NAP1L4: variants seen among roughly 807,000 people sequenced by gnomAD.
The protein encoded by NAP1L4 is nucleosome assembly protein 1-like 4.
NAP1L4 carries 15 observed loss-of-function variants against 58.2 expected under a neutral mutation model. That is an observed-to-expected ratio of 0.26 (90% CI 0.17 to 0.40). The LOEUF (loss-of-function observed/expected upper bound fraction) is 0.40. NAP1L4 is among the 10% of genes least tolerant of loss of function. NAP1L4 has a pLI of 1.00. For missense variants in NAP1L4, 384 were observed against 451.1 expected (o/e 0.85, Z 1.35); for synonymous variants, 171 against 155.6 (o/e 1.10, Z -0.74).
chr11:2,988,670 T>A (rs774973432), intron 1 of NAP1L4, among the ~76,000 whole-genome samples: 3 of 152,270 alleles, frequency 2.0e-5, no homozygotes, highest in Non-Finnish European at 2.9e-5. Context: ...TATCTCATCT[T>A]GTTTTTGAAC....
At position 2,954,921 on chromosome 11, in the gene NAP1L4, G is replaced by T. The variant is rs1007154155; in HGVS notation, c.916-275C>A. 2.6e-5 allele frequency among the ~76,000 whole-genome samples: 4 copies of T among 152,178 alleles called. No individual in the cohort carries two copies. The highest frequency in any genetic ancestry group is 9.7e-5 in the African/African-American group (4 of 41,428). On this transcript the variant is annotated intron_variant, in intron 11 of 15. Coordinates refer to ENST00000380542, the MANE Select transcript of NAP1L4 (RefSeq NM_005969.4). This position sits in a 1 kb window ranked among gnomAD's most constrained non-coding sequence, Gnocchi z 4.8. ...CCAAAGGTCTCACCCAGAGTAGGCG[G>T]TATCAGTCTCACATATGGGAAACAG...
rs2133932152 is a variant in NAP1L4, at chr11:2,959,956, A to G, written c.607-47T>C. ...AAGCACCAGTTAAAATAGAAAAATA[A>G]CGAGGACAGATTGCTTGGAGTACAC... On this transcript the variant is annotated intron_variant, in intron 8 of 15. Transcript: ENST00000380542. The surrounding 1 kb of genome is among the most constrained non-coding windows in gnomAD (Gnocchi z 4.9). 1.3e-6 allele frequency: 2 copies of G among 1,595,034 alleles called. No homozygotes were observed. Among genetic ancestry groups the G allele is most frequent in the East Asian group, 4.5e-5 (2 of 44,174 alleles).
At position 2,949,175 on chromosome 11, in the gene NAP1L4, A is replaced by G; in HGVS notation, c.*32+52T>C. ...TCAAAGTCAAAACAATGCATTGTAT[A>G]AAGTATAGATCAGAAGTTTGGAAGT... On this transcript the variant is annotated intron_variant, in intron 15 of 15. Transcript: ENST00000380542. This position sits in a 1 kb window ranked among gnomAD's most constrained non-coding sequence, Gnocchi z 4.0. 2 of 1,405,276 alleles carry G rather than the reference A, an allele frequency of 1.4e-6. No homozygotes were observed. Among genetic ancestry groups the G allele is most frequent in the Non-Finnish European group, 1.0e-6 (1 of 996,488 alleles). 87.1% of individuals were successfully genotyped at this position (1,405,276 alleles called of 1,614,324 possible).
chr11:2,964,731 C>T lies in NAP1L4; in HGVS notation c.555G>A (p.Leu185=). The T allele has an allele frequency of 6.2e-7, 1 of 1,613,726 alleles. No homozygotes were observed. Among genetic ancestry groups the T allele is most frequent in the Non-Finnish European group, 8.5e-7 (1 of 1,179,756 alleles). Residue 185 remains leucine (L), a synonymous_variant, in exon 8 of 16, where the codon TTG becomes TTA. Transcript: ENST00000380542. ...ELVQEYDEPI[L]KHLQDIKVKF... ...TCACTTTAATATCCTGCAGGTGTTT[C>T]AAGATTGGTTCATCATATTCCTAAT...
Position 2,949,361 on chromosome 11 carries a change from CA to C in NAP1L4, c.1123-98del, listed in dbSNP as rs1846105108. ...GAAACGGCCACAATTTCTCATGATA[CA>C]AAAGGGCTGCAAGATACTGAACTCG... On this transcript the variant is annotated intron_variant, in intron 14 of 15. Coordinates refer to ENST00000380542, the MANE Select transcript of NAP1L4 (RefSeq NM_005969.4). The surrounding 1 kb of genome is among the most constrained non-coding windows in gnomAD (Gnocchi z 4.0). 2.0e-6 allele frequency: 2 copies of C among 999,304 alleles called. No individual in the cohort carries two copies. The highest frequency in any genetic ancestry group is 3.2e-6 in the Non-Finnish European group (2 of 625,996). 61.9% of individuals were successfully genotyped at this position (999,304 alleles called of 1,614,324 possible).
intron 4 of NAP1L4, 120 bp from the exon 5 acceptor site, chr11:2,972,363 A>C: frequency 1.2e-6 from 1 of 812,522 alleles, no homozygotes; most frequent in East Asian, 3.2e-5. Flanking sequence ...TATGAACAAG[A>C]CCTCTTAAAA....
intron 4 of NAP1L4, among the ~76,000 whole-genome samples, chr11:2,975,461 G>A (rs1008148508): frequency 6.6e-6 from 1 of 152,024 alleles, no homozygotes; most frequent in Non-Finnish European, 1.5e-5. Flanking sequence ...AGCCAGGCAC[G>A]GTAGCTCACC....
chr11:2,966,605 A>G (rs1248915623), intron 7 of NAP1L4, among the ~76,000 whole-genome samples: 2 of 152,214 alleles, frequency 1.3e-5, no homozygotes, highest in Non-Finnish European at 2.9e-5. Flanking sequence ...CAAAAACAGC[A>G]ACAAAAAGAT....
chr11:2,985,904 C>T (rs1190860442), intron 1 of NAP1L4, among the ~76,000 whole-genome samples: 1 of 151,962 alleles, frequency 6.6e-6, no homozygotes, highest in Non-Finnish European at 1.5e-5. Flanking sequence ...CCCATGATTA[C>T]ACAAATGTTC....
In NAP1L4 at chr11:2,971,287, T is replaced by C. The variant is rs1019032562; in HGVS notation, c.402+161A>G. On this transcript the variant is annotated intron_variant, in intron 6 of 15. Transcript: ENST00000380542. The surrounding 1 kb of genome is among the most constrained non-coding windows in gnomAD (Gnocchi z 4.2). Reference sequence around the variant, plus strand: ...TATTAACTGACAGTACTGTGTCAGATGCTAGATCCATATCAGAAAGGAATC... The same window carrying C: ...TATTAACTGACAGTACTGTGTCAGACGCTAGATCCATATCAGAAAGGAATC... 4.6e-5 allele frequency among the ~76,000 whole-genome samples: 7 copies of C among 152,254 alleles called. No individual in the cohort carries two copies. The highest frequency in any genetic ancestry group is 1.3e-4 in the Admixed American group (2 of 15,284).
At chr11:2,957,042 T>C (rs1318756324) in intron 10 of NAP1L4, among the ~76,000 whole-genome samples, 1 of 152,242 alleles carries the variant, frequency 6.6e-6, no homozygotes, top group East Asian at 1.9e-4. Context: ...ATTTTAGAGT[T>C]GTGCAACCAT....
chr11:2,954,810 A>G lies in NAP1L4; in HGVS notation c.916-164T>C, dbSNP rs1846438010. The G allele has an allele frequency of 1.2e-6, 1 of 859,240 alleles. No individual in the cohort carries two copies. The allele number at this position is 859,240 out of a possible 1,614,324, so 53.2% of individuals were successfully genotyped here. A position where few individuals can be genotyped will look rare whatever the true frequency, so the allele number is the denominator to read the frequency against. ...CCACTAGACACTCAAAGCCCCTTTA[A>G]AACAACTTTAAGTAGCTTTAAAGAG... On this transcript the variant is annotated intron_variant, in intron 11 of 15. Coordinates refer to ENST00000380542, the MANE Select transcript of NAP1L4 (RefSeq NM_005969.4). This position sits in a 1 kb window ranked among gnomAD's most constrained non-coding sequence, Gnocchi z 4.8.
At chr11:2,978,449 G>A in intron 2 of NAP1L4, 107 bp from the exon 3 acceptor site, 1 of 1,039,566 alleles carries the variant, frequency 9.6e-7, no homozygotes, top group Admixed American at 2.3e-5. Flanking sequence ...TCTGTACAGT[G>A]ACGTCAGATT....
At chr11:2,981,604 G>C (rs965202579) in intron 1 of NAP1L4, 2 of 152,136 alleles carry the variant, frequency 1.3e-5, no homozygotes, top group African/African-American at 4.8e-5. Context: ...TGAGGTGGGC[G>C]GATCACCTGA....
Position 2,948,005 on chromosome 11 carries a change from A to G in NAP1L4, c.*32+1222T>C, listed in dbSNP as rs1296250711. ...TCCAGGGAGGCATACTGAAATACGG[A>G]TAGGTGGCACGCATCGAGGATTCTC... On this transcript the variant is annotated intron_variant, in intron 15 of 15. Coordinates refer to ENST00000380542, the MANE Select transcript of NAP1L4 (RefSeq NM_005969.4). This position sits in a 1 kb window ranked among gnomAD's most constrained non-coding sequence, Gnocchi z 5.1. Among the ~76,000 whole-genome samples the G allele has an allele frequency of 6.6e-6, 1 of 152,072 alleles. No homozygotes were observed. The highest frequency in any genetic ancestry group is 2.4e-5 in the African/African-American group (1 of 41,400).
At chr11:2,981,399 C>G (rs1439099812) in intron 1 of NAP1L4, among the ~76,000 whole-genome samples, 11 of 103,526 alleles carry the variant, frequency 1.1e-4, no homozygotes, top group African/African-American at 4.1e-4. Flanking sequence ...GCCTGGACAA[C>G]AGAGCAAGTA....
At chr11:2,969,718 C>G (rs766649493) in intron 7 of NAP1L4, 85 bp downstream of exon 7, 12 of 1,457,886 alleles carry the variant, frequency 8.2e-6, no homozygotes, top group Non-Finnish European at 1.1e-5. Context: ...CTTTCAATGC[C>G]CAGTGTAGTG....
chr11:2,984,078 A>G (rs1023878816), intron 1 of NAP1L4, among the ~76,000 whole-genome samples: 7 of 151,066 alleles, frequency 4.6e-5, no homozygotes, highest in Non-Finnish European at 8.8e-5. Flanking sequence ...AGCAACACTC[A>G]AGCCCAGGAG....
intron 1 of NAP1L4, among the ~76,000 whole-genome samples, chr11:2,979,929 AT>A (rs1268246477): frequency 6.6e-6 from 1 of 152,172 alleles, no homozygotes; most frequent in African/African-American, 2.4e-5. Context: ...AAGTCAAAGC[AT>A]TTACTGGTGT....
Sources: allele counts gnomAD v4.1 joint callset (sites outside exome capture counted in the v4.1 genomes callset), GRCh38; gene constraint gnomAD v4.1.1; non-coding constraint Gnocchi (gnomAD v3.1); transcripts MANE v1.5; gene names NCBI Gene and HGNC (gene_info 2026-07-23, HGNC 2026-07-21).